SHQ1: variants seen among roughly 807,000 people sequenced by gnomAD.
The protein encoded by SHQ1 is protein SHQ1 homolog.
A neutral mutation model predicts 53.8 loss-of-function variants in SHQ1; 49 were observed. The ratio of observed to expected loss-of-function variants is 0.91; its 90% CI spans 0.72 to 1.16. The LOEUF is 1.16. Among genes scored for constraint, SHQ1 ranks in the 50% most tolerant of loss-of-function variants. The probability of loss-of-function intolerance (pLI) is 0.00; values close to 1 mark genes in which losing one functional copy is unlikely to be tolerated. For missense variants in SHQ1, 738 were observed against 683.1 expected, an observed-to-expected ratio of 1.08 and a Z score of -0.90; for synonymous variants, 243 against 251.0, an observed-to-expected ratio of 0.97 and a Z score of 0.30.
chr3:72,753,205 C>T (rs1705426774), intron 10 of SHQ1: 1 of 985,348 alleles, frequency 1.0e-6, no homozygotes, highest in Admixed American at 6.1e-5. Flanking sequence ...TTCTATGTTT[C>T]CCTGACTCCA....
intron 9 of SHQ1, chr3:72,793,787 TAAC>T (rs1320434660): frequency 6.6e-6 from 1 of 152,216 alleles, no homozygotes; most frequent in African/African-American, 2.4e-5. Context: ...TATCTACTAA[TAAC>T]AAATTATTTT....
chr3:72,825,066 G>A (rs571816059), intron 5 of SHQ1, among the ~76,000 whole-genome samples: 10 of 152,074 alleles, frequency 6.6e-5, no homozygotes, highest in African/African-American at 2.2e-4. Flanking sequence ...CTCCCAAAGT[G>A]TGATGGGATT....
At chr3:72,779,940 T>C (rs1410649266) in intron 10 of SHQ1, among the ~76,000 whole-genome samples, 2 of 152,138 alleles carry the variant, frequency 1.3e-5, no homozygotes, top group African/African-American at 2.4e-5. Flanking sequence ...ATCTTTCTGA[T>C]AAAAAGGTAC....
chr3:72,835,637 G>A (rs1707971037), intron 4 of SHQ1, among the ~76,000 whole-genome samples: 1 of 152,174 alleles, frequency 6.6e-6, no homozygotes, highest in Non-Finnish European at 1.5e-5. Context: ...GCCCCAGACT[G>A]TGAGCACAGC....
intron 10 of SHQ1, among the ~76,000 whole-genome samples, chr3:72,765,618 A>G (rs1233195649): frequency 1.4e-5 from 2 of 143,624 alleles, no homozygotes; most frequent in African/African-American, 2.7e-5. Flanking sequence ...CAGTGGTGCA[A>G]TCTCGGCTCA....
At chr3:72,843,406 G>T (rs1413937221) in intron 2 of SHQ1, among the ~76,000 whole-genome samples, 1 of 152,154 alleles carries the variant, frequency 6.6e-6, no homozygotes, top group African/African-American at 2.4e-5. Flanking sequence ...AATCCCTAAA[G>T]TCTATGTACT....
chr3:72,755,562 T>G (rs1705482140), intron 10 of SHQ1, among the ~76,000 whole-genome samples: 1 of 152,214 alleles, frequency 6.6e-6, no homozygotes, highest in South Asian at 2.1e-4. Flanking sequence ...GAATTAAAGT[T>G]GGGTTTGTTT....
chr3:72,736,375 C>A, the SHQ1 span, among the ~76,000 whole-genome samples: 1 of 150,670 alleles, frequency 6.6e-6, no homozygotes, highest in African/African-American at 2.5e-5. Flanking sequence ...CCAGATGGTA[C>A]AATATTCTAA....
At chr3:72,806,608 T>A (rs1559681247) in intron 9 of SHQ1, among the ~76,000 whole-genome samples, 1 of 152,184 alleles carries the variant, frequency 6.6e-6, no homozygotes, top group Non-Finnish European at 1.5e-5. Context: ...TCAACTAGTT[T>A]TAGAGGCTGT....
chr3:72,757,378 T>A (rs1705517577), intron 10 of SHQ1, among the ~76,000 whole-genome samples: 1 of 147,028 alleles, frequency 6.8e-6, no homozygotes, highest in Admixed American at 6.8e-5. Context: ...TTTCTTCTCT[T>A]TCCTTTTTTT....
At chr3:72,828,284 C>A (rs533101239) in intron 5 of SHQ1, among the ~76,000 whole-genome samples, 31 of 152,290 alleles carry the variant, frequency 2.0e-4, no homozygotes, top group African/African-American at 7.2e-4. Flanking sequence ...TCTAACAGGG[C>A]AAGTGCATGG....
chr3:72,765,413 A>G (rs1575679459), intron 10 of SHQ1, among the ~76,000 whole-genome samples: 1 of 140,358 alleles, frequency 7.1e-6, no homozygotes, highest in African/African-American at 2.8e-5. Flanking sequence ...TCAGGGCTGC[A>G]TTTTTCACTG....
rs1707313462 is a variant in SHQ1 at position 72,816,262 on chromosome 3, C to T, written c.883-859G>A. Among the ~76,000 whole-genome samples the T allele has an allele frequency of 2.6e-5, 4 of 152,056 alleles. No individual in the cohort carries two copies. In the South Asian group the frequency reaches 8.3e-4, roughly 32 times the overall value. On this transcript the variant is annotated intron_variant, in intron 7 of 10. Transcript: ENST00000325599. Reference sequence around the variant, plus strand: ...TACACGTTAGGACCTAAGGTAAATACACACAATATAGACACACGCGCACAC... The same window carrying T: ...TACACGTTAGGACCTAAGGTAAATATACACAATATAGACACACGCGCACAC...
chr3:72,744,855 C>T (rs1352443873), downstream of SHQ1, among the ~76,000 whole-genome samples: 2 of 144,138 alleles, frequency 1.4e-5, no homozygotes, highest in African/African-American at 5.2e-5. Context: ...CAGAGATTTG[C>T]GTTTATGAAG....
chr3:72,788,206 G>A lies in SHQ1; in HGVS notation c.1181+4710C>T, dbSNP rs185686302. Among the ~76,000 whole-genome samples the A allele has an allele frequency of 7.6e-3, 1,115 of 146,188 alleles. 16 individuals carry two copies. The highest frequency in any genetic ancestry group is 0.027 in the African/African-American group (1,076 of 39,238). On this transcript the variant is annotated intron_variant, in intron 10 of 10. Coordinates refer to ENST00000325599, the MANE Select transcript of SHQ1 (RefSeq NM_018130.3). ...TGGGATGTGAGGAGCCCCTCTGCCC[G>A]GCCGCCCAGTCTGGGAAGTGAGGAG...
chr3:72,740,858 T>G, the SHQ1 span, among the ~76,000 whole-genome samples: 1 of 152,178 alleles, frequency 6.6e-6, no homozygotes, highest in Non-Finnish European at 1.5e-5. Flanking sequence ...ATTACATAGA[T>G]CCTCCTAACT....
the SHQ1 span, among the ~76,000 whole-genome samples, chr3:72,739,808 G>A: frequency 6.6e-6 from 1 of 152,216 alleles, no homozygotes; most frequent in Non-Finnish European, 1.5e-5. Context: ...CCAAAAGGAA[G>A]ACAGACAAGT....
At chr3:72,744,382 T>C (rs140638871), downstream of SHQ1, among the ~76,000 whole-genome samples, 48 of 152,324 alleles carry the variant, frequency 3.2e-4, no homozygotes, top group East Asian at 8.7e-3. Flanking sequence ...CAGAGGTAAA[T>C]CCTGTTGTTT....
the SHQ1 span, among the ~76,000 whole-genome samples, chr3:72,727,762 T>C: frequency 6.6e-6 from 1 of 151,986 alleles, no homozygotes; most frequent in African/African-American, 2.4e-5. Context: ...AGGACAGAAG[T>C]CTTGGTAACG....
Sources: allele counts gnomAD v4.1 joint callset (sites outside exome capture counted in the v4.1 genomes callset), GRCh38; gene constraint gnomAD v4.1.1; transcripts MANE v1.5; gene names NCBI Gene and HGNC (gene_info 2026-07-23, HGNC 2026-07-21).